SLC35F4: variants seen among roughly 807,000 people sequenced by gnomAD.
The protein encoded by SLC35F4 is solute carrier family 35 member F4, also known as chromosome 14 open reading frame 36.
Under a neutral mutation model 44.2 loss-of-function variants are expected in SLC35F4, and 24 were observed. That is an observed-to-expected ratio of 0.54 (90% CI 0.39 to 0.76). SLC35F4 has a LOEUF of 0.76. Ranked by LOEUF, SLC35F4 falls within the 30% of genes least tolerant of loss-of-function variation. The probability of loss-of-function intolerance (pLI) is 0.00; values close to 1 mark genes in which losing one functional copy is unlikely to be tolerated. For missense variants in SLC35F4, 562 were observed against 586.1 expected (o/e 0.96, Z 0.42); for synonymous variants, 238 against 223.6 (o/e 1.06, Z -0.57).
intron 1 of SLC35F4, among the ~76,000 whole-genome samples, chr14:57,738,170 G>T (rs980302367): frequency 8.5e-5 from 13 of 152,058 alleles, no homozygotes; most frequent in African/African-American, 3.1e-4. Flanking sequence ...TGACTCCAAG[G>T]GGGAACCACC....
At chr14:57,848,050 A>G (rs1163332514) in intron 1 of SLC35F4, among the ~76,000 whole-genome samples, 1 of 152,250 alleles carries the variant, frequency 6.6e-6, no homozygotes, top group Non-Finnish European at 1.5e-5. Context: ...GCCAGAAAGT[A>G]GTAAATGACT....
intron 7 of SLC35F4, among the ~76,000 whole-genome samples, chr14:57,565,455 A>T (rs1375334021): frequency 1.3e-5 from 2 of 151,872 alleles, no homozygotes; most frequent in African/African-American, 4.8e-5. Context: ...TAATTACTCA[A>T]TTTTTTTTCC....
intron 1 of SLC35F4, among the ~76,000 whole-genome samples, chr14:57,949,391 C>T (rs183479321): frequency 6.6e-6 from 1 of 152,286 alleles, no homozygotes; most frequent in East Asian, 1.9e-4. Flanking sequence ...TATCTCTCTC[C>T]ACCCCTTTAC....
At chr14:57,818,131 T>G (rs1882803088) in intron 1 of SLC35F4, among the ~76,000 whole-genome samples, 1 of 152,188 alleles carries the variant, frequency 6.6e-6, no homozygotes, top group East Asian at 1.9e-4. Context: ...ATGTTAGCAC[T>G]TAATAATCAG....
chr14:57,668,170 T>C (rs2074384772), intron 1 of SLC35F4, among the ~76,000 whole-genome samples: 2 of 151,286 alleles, frequency 1.3e-5, no homozygotes, highest in African/African-American at 4.9e-5. Flanking sequence ...TGCCCACTTT[T>C]TGATGGGGTT....
In SLC35F4 at chr14:57,639,529, C is replaced by T. The variant is rs187271225; in HGVS notation, c.104-45405G>A. On this transcript the variant is annotated intron_variant, in intron 1 of 7. Coordinates refer to ENST00000556826, the MANE Select transcript of SLC35F4 (RefSeq NM_001306087.2). ...CAAGAGCCATGGGCTCTGTATTCAA[C>T]TGAAGGTCATATTTATTTGTTTCAT... Among the ~76,000 whole-genome samples the T allele has an allele frequency of 6.6e-5, 10 of 152,080 alleles. No individual in the cohort carries two copies. The East Asian group carries it at 1.7e-3, about 27-fold the overall frequency.
chr14:57,728,441 C>CTTTTTTTTTTTTTTTTT (rs869064667), intron 1 of SLC35F4, among the ~76,000 whole-genome samples: 1 of 59,026 alleles, frequency 1.7e-5, no homozygotes, highest in African/African-American at 7.4e-5. Context: ...TTCTTTCTTT[C>CTTTTTTTTTTTTTTTTT]TTTTTTTTTT....
chr14:57,925,466 A>G, intron 1 of SLC35F4, among the ~76,000 whole-genome samples: 1 of 137,116 alleles, frequency 7.3e-6, no homozygotes. Context: ...CTCCTAAGAA[A>G]TGGGAAGGAA....
At position 57,963,789 on chromosome 14, in the gene SLC35F4, C is replaced by T. The variant is rs549471018; in HGVS notation, n.282+18124G>A. ...CCAGGCTGGAGTGCAGTCGTGCAAT[C>T]GTATTTCACTGCCACTTCAACTTCC... is the stretch of plus-strand genomic sequence containing the variant. On this transcript the variant is annotated intron_variant and non_coding_transcript_variant, in intron 1 of 1. Transcript: ENST00000556568. Among the ~76,000 whole-genome samples the T allele has an allele frequency of 8.4e-5, 11 of 130,974 alleles. No homozygotes were observed. The South Asian group carries it at 1.0e-3, about 12-fold the overall frequency. 85.9% of individuals were successfully genotyped at this position (130,974 alleles called of 152,430 possible). A position where few individuals can be genotyped will look rare whatever the true frequency, so the allele number is the denominator to read the frequency against.
intron 1 of SLC35F4, among the ~76,000 whole-genome samples, chr14:57,915,653 G>A (rs958352155): frequency 6.9e-6 from 1 of 145,672 alleles, no homozygotes; most frequent in Non-Finnish European, 1.5e-5. Context: ...TTTCAGCCAC[G>A]GTCTTTGCCA....
chr14:57,765,253 G>A (rs150209827), intron 1 of SLC35F4, among the ~76,000 whole-genome samples: 3 of 152,346 alleles, frequency 2.0e-5, no homozygotes, highest in Non-Finnish European at 4.4e-5. Context: ...AGATAGGAGT[G>A]GAGATTCTCT....
At chr14:57,677,418 A>AATT (rs1555370525) in intron 1 of SLC35F4, among the ~76,000 whole-genome samples, 1 of 151,274 alleles carries the variant, frequency 6.6e-6, no homozygotes, top group African/African-American at 2.4e-5. Context: ...AAAAAAATAA[A>AATT]AATTATTTAA....
At chr14:57,893,393 C>A (rs1456948340) in intron 1 of SLC35F4, among the ~76,000 whole-genome samples, 1 of 152,106 alleles carries the variant, frequency 6.6e-6, no homozygotes. Context: ...ATTTGATTCC[C>A]ATTTTTCATA....
downstream of SLC35F4, among the ~76,000 whole-genome samples, chr14:57,976,565 C>T (rs921401354): frequency 2.0e-5 from 3 of 152,176 alleles, no homozygotes; most frequent in Admixed American, 6.5e-5. Context: ...AGACTTACAG[C>T]ACATAGGGCT....
At chr14:57,976,075 T>C (rs1406801075), downstream of SLC35F4, among the ~76,000 whole-genome samples, 25 of 152,120 alleles carry the variant, frequency 1.6e-4, no homozygotes, top group Admixed American at 1.6e-3. Context: ...GAAACTATGG[T>C]CTCTCACCTC....
chr14:57,937,581 GAAAAGAAAGAAAAGAAAAGAAAAGA>G (rs1889824324), intron 1 of SLC35F4, among the ~76,000 whole-genome samples: 2 of 91,916 alleles, frequency 2.2e-5, no homozygotes, highest in Admixed American at 1.4e-4. Context: ...AAAGAGAAAA[GAAAAGAAAGAAAAGAAAAGAAAAGA>G]AAAGAAAAGA....
chr14:57,846,003 T>A (rs1055319512), intron 1 of SLC35F4, among the ~76,000 whole-genome samples: 2 of 152,176 alleles, frequency 1.3e-5, no homozygotes, highest in Admixed American at 1.3e-4. Flanking sequence ...GACAGCTTTA[T>A]TAAATACTGC....
chr14:57,596,979 C>A lies in SLC35F4; in HGVS notation c.104-2855G>T, dbSNP rs2070530954. On this transcript the variant is annotated intron_variant, in intron 1 of 7. Transcript: ENST00000556826. ...CCTGGAGACGTATTCAGGGGTTGGG[C>A]CATGATACAATTATCTCCAATCCTG... 3.3e-5 allele frequency: 31 copies of A among 933,878 alleles called. No individual in the cohort carries two copies. The South Asian group carries it at 4.6e-4, about 14-fold the overall frequency. 57.8% of individuals were successfully genotyped at this position (933,878 alleles called of 1,614,324 possible).
intron 1 of SLC35F4, among the ~76,000 whole-genome samples, chr14:57,769,895 G>T (rs2077321852): frequency 1.3e-5 from 2 of 152,142 alleles, no homozygotes; most frequent in South Asian, 4.1e-4. Context: ...CAGCCTGAGG[G>T]TGAGCATTTT....
Sources: gnomAD v4.1 joint callset for allele counts (sites outside exome capture counted in the v4.1 genomes callset) on GRCh38, gnomAD v4.1.1 for gene constraint, MANE v1.5 for transcripts, NCBI Gene and HGNC (gene_info 2026-07-23, HGNC 2026-07-21) for gene names.